Variants in ANKS6 observed in about 807,000 individuals in gnomAD.
ANKS6 encodes ankyrin repeat and SAM domain-containing protein 6.
ANKS6 carries 47 observed loss-of-function variants against 77.9 expected under a neutral mutation model. The observed-to-expected ratio is 0.60, with a 90% CI of 0.48 to 0.77. The LOEUF is 0.77. ANKS6 is among the 30% of genes least tolerant of loss of function. The pLI is 0.00. For synonymous variants in ANKS6, 488 were observed against 501.7 expected (o/e 0.97, Z 0.37); for missense variants, 1,150 against 1,159.1 (o/e 0.99, Z 0.11).
chr9:98,775,401 G>A (rs1833871558), intron 8 of ANKS6, among the ~76,000 whole-genome samples: 4 of 152,176 alleles, frequency 2.6e-5, no homozygotes, highest in African/African-American at 7.2e-5. Context: ...AAAGAGACAC[G>A]TTCCTACACT....
At chr9:98,770,697 C>T (rs1490486553) in intron 10 of ANKS6, among the ~76,000 whole-genome samples, 199 bp downstream of exon 10, 3 of 152,170 alleles carry the variant, frequency 2.0e-5, no homozygotes, top group Admixed American at 6.5e-5. Context: ...CCTCCATCTC[C>T]ATCCATCTGC....
Position 98,768,379 on chromosome 9 carries a change from G to A in ANKS6, c.1973-129C>T, listed in dbSNP as rs1436372017. The A allele has an allele frequency of 2.7e-6, 3 of 1,098,882 alleles. No homozygotes were observed. In the African/African-American group the frequency reaches 4.6e-5, roughly 17 times the overall value. The allele number at this position is 1,098,882 out of a possible 1,614,324, so 68.1% of individuals were successfully genotyped here. A position where few individuals can be genotyped will look rare whatever the true frequency, so the allele number is the denominator to read the frequency against. On this transcript the variant is annotated intron_variant, in intron 10 of 14. Coordinates refer to ENST00000353234, the MANE Select transcript of ANKS6 (RefSeq NM_173551.5). The stretch of plus-strand genomic sequence containing the variant: ...GACTCCCTTCCCCATGTGGCTCCAG[G>A]ACAGGACTGACCACAGGAGAATTCT...
rs146284033 is a variant in ANKS6 at position 98,774,895 on chromosome 9, C to T, written c.1618-815G>A. ...CCACAGCTAAACTCGCCTCGGGAGC[C>T]GAGCAGGCGGGCATCTCCACACTGA... On this transcript the variant is annotated intron_variant, in intron 8 of 14. Coordinates refer to ENST00000353234, the MANE Select transcript of ANKS6 (RefSeq NM_173551.5). Among the ~76,000 whole-genome samples the T allele has an allele frequency of 2.2e-3, 341 of 152,332 alleles. 1 individual carries two copies. The highest frequency in any genetic ancestry group is 7.6e-3 in the African/African-American group (317 of 41,570).
rs1323886510 is a variant in ANKS6, at chr9:98,732,650, CCA to C, written c.*3867_*3868del. On this transcript the variant is annotated 3_prime_UTR_variant, in exon 15 of 15. Coordinates refer to ENST00000353234, the MANE Select transcript of ANKS6 (RefSeq NM_173551.5). ...TGAGGTTTCCCACATCTGCACCGCT[CCA>C]CAGTGTGAAAAGGGCTTTCTCACTT... 3.9e-6 allele frequency: 6 copies of C among 1,531,888 alleles called. No homozygotes were observed. The highest frequency in any genetic ancestry group is 1.4e-5 in the African/African-American group (1 of 72,464). 94.9% of individuals were successfully genotyped at this position (1,531,888 alleles called of 1,614,324 possible).
In ANKS6 at chr9:98,781,894, T is replaced by C. The variant is rs962920667; in HGVS notation, c.1219+573A>G. On this transcript the variant is annotated intron_variant, in intron 5 of 14. Transcript: ENST00000353234. Reference sequence around the variant, plus strand: ...TAAGAAAGACGACAGATCAGAGACCTTTCCCCTTGAGCTGGCTAACTGGAA... The same window carrying C: ...TAAGAAAGACGACAGATCAGAGACCCTTCCCCTTGAGCTGGCTAACTGGAA... Among the ~76,000 whole-genome samples, 9 of 152,248 alleles carry C rather than the reference T, an allele frequency of 5.9e-5. No individual in the cohort carries two copies. The East Asian group carries it at 1.7e-3, about 29-fold the overall frequency.
In ANKS6 at chr9:98,736,522, C is replaced by T. The variant is rs376268978; in HGVS notation, c.2613G>A (p.Ala871=). The T allele has an allele frequency of 4.2e-4, 682 of 1,608,136 alleles. 7 individuals carry two copies. The South Asian group carries it at 6.6e-3, about 16-fold the overall frequency. ...CTGGTGGCTGCGGGAAGGAGGATCA[C>T]GCACAGGGGCTGTTGCCAGGGGCCC... is the stretch of plus-strand genomic sequence containing the variant. ...NTRAPGNSPC[A] Residue 871 remains alanine (A), a synonymous_variant, in exon 15 of 15, where the codon GCG becomes GCA. Transcript: ENST00000353234.
intron 4 of ANKS6, 95 bp downstream of exon 4, chr9:98,783,856 GCA>G: frequency 1.0e-6 from 1 of 969,704 alleles, no homozygotes; most frequent in Non-Finnish European, 1.4e-6. Context: ...GGGTTTGTAT[GCA>G]GCATCTCAGG....
intron 4 of ANKS6, among the ~76,000 whole-genome samples, chr9:98,783,104 A>AGAAGG (rs1834366645): frequency 7.4e-6 from 1 of 135,384 alleles, no homozygotes; most frequent in African/African-American, 2.7e-5. Flanking sequence ...AAAAGAAAAG[A>AGAAGG]GAAGGGAAGG....
In ANKS6 at chr9:98,735,193, C is replaced by A; in HGVS notation, c.*1326G>T. 2 of 985,720 alleles carry A rather than the reference C, an allele frequency of 2.0e-6. No homozygotes were observed. Among genetic ancestry groups the A allele is most frequent in the Non-Finnish European group, 2.4e-6 (2 of 830,144 alleles). The allele number at this position is 985,720 out of a possible 1,614,324, so 61.1% of individuals were successfully genotyped here. On this transcript the variant is annotated 3_prime_UTR_variant, in exon 15 of 15. Transcript: ENST00000353234. ...CTGGTTCTAAGCTCCAACTAAGAGG[C>A]CATTGAGCTTCATCTGAACTTTGAA...
intron 5 of ANKS6, 67 bp downstream of exon 5, chr9:98,782,400 G>A (rs1834320922): frequency 2.3e-5 from 32 of 1,396,494 alleles, no homozygotes; most frequent in Non-Finnish European, 3.2e-5. Context: ...CAGAGGAGGT[G>A]CCTGTCTTGA....
rs1588400042 is a variant in ANKS6, at chr9:98,780,340, A to G, written c.1220-3T>C. The G allele has an allele frequency of 1.3e-6, 2 of 1,584,030 alleles. No individual in the cohort carries two copies. The highest frequency in any genetic ancestry group is 1.3e-5 in the African/African-American group (1 of 74,744). ...CAGCAGTCGAACAAGTTCCGTGTCTATGGACACAAAAGGCATCATTTTACC... is the reference window on the plus strand; with the variant it reads ...CAGCAGTCGAACAAGTTCCGTGTCTGTGGACACAAAAGGCATCATTTTACC... On this transcript the variant is annotated splice_polypyrimidine_tract_variant and splice_region_variant and intron_variant, in intron 5 of 14. Transcript: ENST00000353234.
intron 9 of ANKS6, among the ~76,000 whole-genome samples, chr9:98,773,081 C>G (rs940612049): frequency 6.6e-6 from 1 of 152,194 alleles, no homozygotes. Flanking sequence ...ATGGGTTCTA[C>G]AACTCCCCCG....
intron 8 of ANKS6, 131 bp from the exon 9 acceptor site, chr9:98,774,211 T>C: frequency 1.3e-6 from 1 of 764,348 alleles, no homozygotes; most frequent in Non-Finnish European, 1.9e-6. Flanking sequence ...CCGGGAGCTA[T>C]GTGGCATCTA....
chr9:98,773,084 C>A (rs1564205352), intron 9 of ANKS6, among the ~76,000 whole-genome samples: 1 of 152,234 alleles, frequency 6.6e-6, no homozygotes, highest in Non-Finnish European at 1.5e-5. Context: ...GGTTCTACAA[C>A]TCCCCCGTTC....
intron 14 of ANKS6, among the ~76,000 whole-genome samples, chr9:98,738,785 T>C (rs1356638325): frequency 6.6e-6 from 1 of 152,164 alleles, no homozygotes; most frequent in Non-Finnish European, 1.5e-5. Flanking sequence ...ATGAAAAAGA[T>C]ACTTGCACAC....
chr9:98,790,131 G>C lies in ANKS6; in HGVS notation c.835C>G (p.Pro279Ala), dbSNP rs774941106. Residue 279 changes from proline (P) to alanine (A), a missense_variant, in exon 2 of 15, where the codon CCG becomes GCG. Pro to Ala is a conservative substitution (Grantham distance 27, BLOSUM62 -1). Transcript: ENST00000353234. ...GTTTTGGGCCTGACGGTGGTCAGCG[G>C]GTCCAGGTAGTCTACAAGGTCCCTG... is the stretch of plus-strand genomic sequence containing the variant. ...KHRDLVDYLD[P>A]LTTVRPKTDE... 6.4e-7 allele frequency: 1 copy of C among 1,574,788 alleles called. No homozygotes were observed. The highest frequency in any genetic ancestry group is 8.7e-7 in the Non-Finnish European group (1 of 1,152,496).
rs1831284528 is a variant in ANKS6, at chr9:98,733,002, GA to G, written c.*3516del. Reference sequence around the variant, plus strand: ...CTCTCCTCTGGGGCGTGCCCAGGCTGAGCCTGAGCCATCATCGATGACTTTC... The same window carrying G: ...CTCTCCTCTGGGGCGTGCCCAGGCTGGCCTGAGCCATCATCGATGACTTTC... On this transcript the variant is annotated 3_prime_UTR_variant, in exon 15 of 15. Coordinates refer to ENST00000353234, the MANE Select transcript of ANKS6 (RefSeq NM_173551.5). 1.1e-6 allele frequency: 1 copy of G among 939,352 alleles called. No individual in the cohort carries two copies. Among genetic ancestry groups the G allele is most frequent in the Admixed American group, 5.2e-5 (1 of 19,152 alleles). 58.2% of individuals were successfully genotyped at this position (939,352 alleles called of 1,614,324 possible). A position where few individuals can be genotyped will look rare whatever the true frequency, so the allele number is the denominator to read the frequency against.
chr9:98,763,016 C>T (rs1833095800), intron 11 of ANKS6, among the ~76,000 whole-genome samples: 2 of 151,984 alleles, frequency 1.3e-5, no homozygotes, highest in Non-Finnish European at 2.9e-5. Context: ...GAGAAATAGA[C>T]CAAACTGCAG....
At chr9:98,794,864 G>C (rs530958688) in intron 1 of ANKS6, among the ~76,000 whole-genome samples, 1 of 152,076 alleles carries the variant, frequency 6.6e-6, no homozygotes, top group East Asian at 1.9e-4. Context: ...TCCCCTCACT[G>C]CCCTGGGCCT....
Sources: gnomAD v4.1 joint callset for allele counts (sites outside exome capture counted in the v4.1 genomes callset) on GRCh38, gnomAD v4.1.1 for gene constraint, MANE v1.5 for transcripts, NCBI Gene and HGNC (gene_info 2026-07-23, HGNC 2026-07-21) for gene names.